The following ADGRL2 variants were observed in gnomAD, a reference collection of about 807,000 sequenced individuals.
The protein encoded by ADGRL2 is adhesion G protein-coupled receptor L2.
Under a neutral mutation model 157.4 loss-of-function variants are expected in ADGRL2, and 44 were observed. The observed-to-expected ratio is 0.28, with a 90% CI of 0.22 to 0.36. The LOEUF is 0.36. Ranked by LOEUF, ADGRL2 falls within the 10% of genes least tolerant of loss-of-function variation. The probability of loss-of-function intolerance (pLI) is 1.00; values close to 1 mark genes in which losing one functional copy is unlikely to be tolerated. For missense variants in ADGRL2, 1,510 were observed against 1,768.9 expected (o/e 0.85, Z 2.63); for synonymous variants, 585 against 624.7 (o/e 0.94, Z 0.95).
At chr1:81,745,269 T>G (rs1400292932) in intron 1 of ADGRL2, among the ~76,000 whole-genome samples, 2 of 152,178 alleles carry the variant, frequency 1.3e-5, no homozygotes, top group African/African-American at 4.8e-5. Context: ...GCAAATATTC[T>G]CTCTCTTGAT....
At chr1:81,668,279 G>A (rs903444980) in intron 3 of ADGRL2, among the ~76,000 whole-genome samples, 2 of 151,978 alleles carry the variant, frequency 1.3e-5, no homozygotes, top group Admixed American at 1.3e-4. Flanking sequence ...ACAAAAATTA[G>A]TCGGACATGG....
chr1:81,333,815 G>A (rs1661446225), intron 1 of ADGRL2, among the ~76,000 whole-genome samples: 1 of 151,832 alleles, frequency 6.6e-6, no homozygotes, highest in Admixed American at 6.6e-5. Context: ...AAGTTATAGT[G>A]TTCTGTGGGA....
rs75806019 is a variant in ADGRL2 at position 81,914,108 on chromosome 1, A to T, written c.287+6878A>T. On this transcript the variant is annotated intron_variant, in intron 3 of 23. Transcript: ENST00000686636. ...AATGCACTCACAGTTCTGCCAGTGT[A>T]CTCTGGCAGACTTCATGATTATAGA... Among the ~76,000 whole-genome samples the T allele has an allele frequency of 3.5e-3, 526 of 152,064 alleles. 19 individuals are homozygous for T. The South Asian group carries it at 0.053, about 15-fold the overall frequency.
intron 2 of ADGRL2, among the ~76,000 whole-genome samples, chr1:81,878,966 C>A (rs914627405): frequency 2.0e-5 from 3 of 152,104 alleles, no homozygotes; most frequent in African/African-American, 7.2e-5. Context: ...GAAGATACTT[C>A]CCCCAAAACA....
At chr1:81,910,976 A>ATGTTT (rs2094707610) in intron 3 of ADGRL2, among the ~76,000 whole-genome samples, 2 of 151,840 alleles carry the variant, frequency 1.3e-5, no homozygotes, top group African/African-American at 4.8e-5. Flanking sequence ...AAATTTCAGT[A>ATGTTT]CCATTAAAAT....
chr1:81,559,715 T>A (rs750134523), intron 2 of ADGRL2, among the ~76,000 whole-genome samples: 1 of 152,152 alleles, frequency 6.6e-6, no homozygotes, highest in Non-Finnish European at 1.5e-5. Flanking sequence ...TCTGACCCAG[T>A]GCAGGTGTTA....
At chr1:81,694,018 C>T (rs549826104) in intron 3 of ADGRL2, among the ~76,000 whole-genome samples, 1 of 152,106 alleles carries the variant, frequency 6.6e-6, no homozygotes, top group East Asian at 1.9e-4. Flanking sequence ...TTAATTCTGC[C>T]CAATGAAATC....
intron 2 of ADGRL2, among the ~76,000 whole-genome samples, chr1:81,888,747 C>T (rs369524550): frequency 5.3e-5 from 8 of 152,092 alleles, no homozygotes; most frequent in East Asian, 3.9e-4. Context: ...CCACTGCGCC[C>T]GGCCTGCTTT....
chr1:81,720,179 C>CTTTTTTTTTTTT (rs370916970), intron 1 of ADGRL2, among the ~76,000 whole-genome samples: 2 of 138,884 alleles, frequency 1.4e-5, no homozygotes, highest in African/African-American at 2.6e-5. Flanking sequence ...TCCTTTTTTT[C>CTTTTTTTTTTTT]TTTTCTTTTT....
intron 3 of ADGRL2, among the ~76,000 whole-genome samples, chr1:81,647,616 G>C (rs1165801718): frequency 5.3e-5 from 8 of 152,064 alleles, no homozygotes. Context: ...CCATCCTCAA[G>C]GTATCCCAAA....
At chr1:81,801,655 T>C (rs143150644) in intron 1 of ADGRL2, among the ~76,000 whole-genome samples, 4,431 of 152,140 alleles carry the variant, frequency 0.029, 105 homozygotes, top group African/African-American at 0.055. Context: ...AGATCCGAAA[T>C]GTGAGGAGGG....
At chr1:81,905,656 A>G (rs944602921) in intron 2 of ADGRL2, among the ~76,000 whole-genome samples, 1 of 152,228 alleles carries the variant, frequency 6.6e-6, no homozygotes, top group Non-Finnish European at 1.5e-5. Flanking sequence ...GCTCCAAGCC[A>G]GTCTTTTAAT....
intron 2 of ADGRL2, among the ~76,000 whole-genome samples, chr1:81,769,927 G>A (rs559572300): frequency 3.3e-5 from 5 of 151,300 alleles, no homozygotes; most frequent in South Asian, 2.1e-4. Flanking sequence ...GCAATGGCAC[G>A]ATCTTAGCTC....
At chr1:81,328,648 T>C (rs1459485215) in intron 1 of ADGRL2, among the ~76,000 whole-genome samples, 2 of 152,148 alleles carry the variant, frequency 1.3e-5, no homozygotes, top group Non-Finnish European at 2.9e-5. Context: ...AGTGCATCTT[T>C]CCACTCAGAT....
At chr1:81,435,347 T>G (rs1318414035) in intron 1 of ADGRL2, among the ~76,000 whole-genome samples, 1 of 152,214 alleles carries the variant, frequency 6.6e-6, no homozygotes, top group Non-Finnish European at 1.5e-5. Context: ...ATAAACATCA[T>G]GTCCAAAGAA....
chr1:81,939,881 T>C (rs1179331047), intron 4 of ADGRL2, among the ~76,000 whole-genome samples: 2 of 151,448 alleles, frequency 1.3e-5, no homozygotes, highest in African/African-American at 2.4e-5. Flanking sequence ...AAGAGCAATG[T>C]TTTCCTTATG....
intron 1 of ADGRL2, among the ~76,000 whole-genome samples, chr1:81,740,705 T>C (rs1338021031): frequency 6.6e-6 from 1 of 152,170 alleles, no homozygotes; most frequent in Non-Finnish European, 1.5e-5. Context: ...ATTTAGTATA[T>C]GCAAGTTAAA....
chr1:81,844,937 A>C (rs1360280353), intron 2 of ADGRL2, among the ~76,000 whole-genome samples: 1 of 152,018 alleles, frequency 6.6e-6, no homozygotes, highest in Non-Finnish European at 1.5e-5. Context: ...GAATGTATAT[A>C]TCTTCATGAG....
At chr1:81,962,005 G>T (rs543699560) in intron 11 of ADGRL2, among the ~76,000 whole-genome samples, 4 of 152,054 alleles carry the variant, frequency 2.6e-5, no homozygotes, top group African/African-American at 4.8e-5. Context: ...GCTCCAATGT[G>T]TGCCTTTCTA....
Sources: allele counts gnomAD v4.1 joint callset (sites outside exome capture counted in the v4.1 genomes callset), GRCh38; gene constraint gnomAD v4.1.1; transcripts MANE v1.5; gene names NCBI Gene and HGNC (gene_info 2026-07-23, HGNC 2026-07-21).